MAN1A1: variants seen among roughly 807,000 people sequenced by gnomAD.
MAN1A1 encodes mannosidase alpha class 1A member 1.
Under a neutral mutation model 70.8 loss-of-function variants are expected in MAN1A1, and 29 were observed. The observed-to-expected ratio is 0.41, with a 90% CI of 0.31 to 0.56. The LOEUF is 0.56. Ranked by LOEUF, MAN1A1 falls within the 20% of genes least tolerant of loss-of-function variation. The pLI is 0.29. For missense variants in MAN1A1, 747 were observed against 841.3 expected (o/e 0.89, Z 1.39); for synonymous variants, 349 against 330.1 (o/e 1.06, Z -0.62).
chr6:119,285,684 T>C (rs968461663), intron 5 of MAN1A1, among the ~76,000 whole-genome samples: 2 of 152,006 alleles, frequency 1.3e-5, no homozygotes, highest in African/African-American at 4.8e-5. Flanking sequence ...TTAGAGATCA[T>C]AATTAAAGTT....
chr6:119,289,513 T>C (rs536586016), intron 5 of MAN1A1, among the ~76,000 whole-genome samples: 1 of 145,184 alleles, frequency 6.9e-6, no homozygotes, highest in East Asian at 2.0e-4. Context: ...CATGAAGTTA[T>C]CTGGTAGTGG....
chr6:119,188,349 T>C (rs1353507095), intron 11 of MAN1A1, 56 bp downstream of exon 11: 32 of 1,492,162 alleles, frequency 2.1e-5, no homozygotes, highest in Non-Finnish European at 2.8e-5. Flanking sequence ...TGGGTATCAC[T>C]GAACATTTTT....
chr6:119,320,563 T>C (rs954489064), intron 2 of MAN1A1, among the ~76,000 whole-genome samples: 6 of 151,918 alleles, frequency 3.9e-5, no homozygotes, highest in Non-Finnish European at 8.8e-5. Flanking sequence ...AAAATTACAG[T>C]AGCCAAGTCC....
chr6:119,286,717 A>G (rs1256627401), intron 5 of MAN1A1, among the ~76,000 whole-genome samples: 1 of 151,966 alleles, frequency 6.6e-6, no homozygotes, highest in African/African-American at 2.4e-5. Flanking sequence ...CTGTTTTTCT[A>G]TTTTACAAAG....
chr6:119,199,926 C>T (rs1773671654), intron 8 of MAN1A1, among the ~76,000 whole-genome samples: 1 of 150,778 alleles, frequency 6.6e-6, no homozygotes. Flanking sequence ...GGACCCTGTC[C>T]CACAAAAAAG....
Position 119,306,924 on chromosome 6 carries a change from T to C in MAN1A1, c.672A>G (p.Ser224=). Residue 224 remains serine, a synonymous_variant, in exon 3 of 13, where the codon TCA becomes TCG. Coordinates refer to ENST00000368468, the MANE Select transcript of MAN1A1 (RefSeq NM_005907.4). ...ACAAACTGCTTGAATGGCCTCCTTT[T>C]GATATAGGTTTGAGTTCATTTAATC... is the stretch of plus-strand genomic sequence containing the variant. ...AWGLNELKPI[S]KGGHSSSLFG... 1 of 1,598,668 alleles carries C rather than the reference T, an allele frequency of 6.3e-7. No individual in the cohort carries two copies. The highest frequency in any genetic ancestry group is 8.6e-7 in the Non-Finnish European group (1 of 1,166,142).
intron 6 of MAN1A1, chr6:119,210,996 A>T (rs541489916): frequency 1.2e-5 from 5 of 419,390 alleles, no homozygotes; most frequent in African/African-American, 1.0e-4. Context: ...ACAATCATTT[A>T]TATCAAGATA....
intron 6 of MAN1A1, among the ~76,000 whole-genome samples, chr6:119,240,599 C>A (rs2114305353): frequency 6.6e-6 from 1 of 152,192 alleles, no homozygotes; most frequent in South Asian, 2.1e-4. Flanking sequence ...TCAATTATGA[C>A]CAGAGAAGTG....
chr6:119,258,029 CAT>C (rs1436777887), intron 5 of MAN1A1, among the ~76,000 whole-genome samples: 10 of 151,988 alleles, frequency 6.6e-5, no homozygotes. Context: ...AAAAGGAAGA[CAT>C]ATTTTAAAAA....
At chr6:119,246,939 C>T (rs547646829) in intron 6 of MAN1A1, among the ~76,000 whole-genome samples, 96 of 152,174 alleles carry the variant, frequency 6.3e-4, no homozygotes, top group African/African-American at 2.2e-3. Flanking sequence ...CAATAGAGAA[C>T]GATTAATATC....
rs765656269 is a variant in MAN1A1, at chr6:119,348,551, G to C, written c.515C>G (p.Pro172Arg). The change falls in exon 2 of 13, where the codon CCC becomes CGC. Residue 172 changes from proline (P) to arginine (R), a missense_variant. Pro to Arg is a moderately radical substitution (Grantham distance 103). Coordinates refer to ENST00000368468, the MANE Select transcript of MAN1A1 (RefSeq NM_005907.4). ...LRDKAPFRGL[P>R]PVDFVPPIGV... is the part of the protein sequence containing the mutation. ...GATTGGGGGCACGAAGTCCACCGGG[G>C]GCAGGCCTCTGAACGGCGCCTTGTC... is the stretch of plus-strand genomic sequence containing the variant. 1.7e-5 allele frequency: 27 copies of C among 1,613,304 alleles called. No homozygotes were observed. Among genetic ancestry groups the C allele is most frequent in the Non-Finnish European group, 8.5e-7 (1 of 1,179,672 alleles).
chr6:119,201,700 T>C (rs1445939371), intron 7 of MAN1A1, among the ~76,000 whole-genome samples: 1 of 152,210 alleles, frequency 6.6e-6, no homozygotes, highest in Admixed American at 6.5e-5. Flanking sequence ...AATTTAATTC[T>C]TGTACAAACA....
intron 2 of MAN1A1, among the ~76,000 whole-genome samples, chr6:119,342,878 C>T (rs528601813): frequency 6.6e-6 from 1 of 152,278 alleles, no homozygotes; most frequent in East Asian, 1.9e-4. Flanking sequence ...TCCCCTTTCA[C>T]CCTTTGTATA....
intron 6 of MAN1A1, among the ~76,000 whole-genome samples, chr6:119,213,621 C>T (rs963699490): frequency 3.3e-5 from 5 of 152,072 alleles, no homozygotes; most frequent in Admixed American, 6.6e-5. Context: ...TGCTGCCTTG[C>T]GACATCTTCT....
chr6:119,317,724 G>A (rs1772893355), intron 2 of MAN1A1, among the ~76,000 whole-genome samples: 1 of 152,094 alleles, frequency 6.6e-6, no homozygotes, highest in Admixed American at 6.5e-5. Context: ...GACTTGCACA[G>A]TATAAGCATT....
intron 7 of MAN1A1, among the ~76,000 whole-genome samples, chr6:119,202,499 A>G (rs1773740980): frequency 6.6e-6 from 1 of 152,228 alleles, no homozygotes; most frequent in African/African-American, 2.4e-5. Flanking sequence ...TTCTAAAATA[A>G]CAATAAAAAC....
chr6:119,250,598 G>C (rs772939298), intron 5 of MAN1A1, among the ~76,000 whole-genome samples: 2 of 151,868 alleles, frequency 1.3e-5, no homozygotes, highest in Non-Finnish European at 2.9e-5. Flanking sequence ...TTATCCAACT[G>C]TTGTTTTGGT....
chr6:119,331,931 C>A, intron 2 of MAN1A1: 1 of 508,468 alleles, frequency 2.0e-6, no homozygotes, highest in Admixed American at 2.0e-5. Context: ...AGGGACCAGA[C>A]AGACCTGGAT....
chr6:119,225,750 T>TA (rs1774497073), intron 6 of MAN1A1, among the ~76,000 whole-genome samples: 1 of 152,166 alleles, frequency 6.6e-6, no homozygotes, highest in Non-Finnish European at 1.5e-5. Flanking sequence ...CAAAATTTGA[T>TA]AAAAAATCTG....
Sources: gnomAD v4.1 joint callset for allele counts (sites outside exome capture counted in the v4.1 genomes callset) on GRCh38, gnomAD v4.1.1 for gene constraint, MANE v1.5 for transcripts, NCBI Gene and HGNC (gene_info 2026-07-23, HGNC 2026-07-21) for gene names.